RBFOX1: variants seen among roughly 807,000 people sequenced by gnomAD.
RBFOX1 encodes the protein RNA binding fox-1 homolog 1.
Under a neutral mutation model 57.7 loss-of-function variants are expected in RBFOX1, and 8 were observed. The observed-to-expected ratio is 0.14, with a 90% CI of 0.08 to 0.25. The LOEUF is 0.25. RBFOX1 is among the 10% of genes least tolerant of loss of function. The probability of loss-of-function intolerance (pLI) is 1.00; values close to 1 mark genes in which losing one functional copy is unlikely to be tolerated. For missense variants in RBFOX1, 611 were observed against 548.5 expected (o/e 1.11, Z -1.14); for synonymous variants, 326 against 222.4 (o/e 1.47, Z -4.15).
intron 3 of RBFOX1, among the ~76,000 whole-genome samples, chr16:5,657,662 CTTTCTTTCTT>C (rs750405277): frequency 1.6e-5 from 2 of 126,224 alleles, no homozygotes; most frequent in Non-Finnish European, 3.2e-5. Context: ...CTTTTCTTTT[CTTTCTTTCTT>C]TTCTTTTCTT....
At chr16:6,678,783 A>T (rs2058166758) in intron 3 of RBFOX1, among the ~76,000 whole-genome samples, 1 of 152,088 alleles carries the variant, frequency 6.6e-6, no homozygotes, top group South Asian at 2.1e-4. Context: ...TTTGAAAGTT[A>T]ATCACTTGCC....
At chr16:5,387,171 T>G (rs1465136991) in intron 1 of RBFOX1, among the ~76,000 whole-genome samples, 1 of 152,208 alleles carries the variant, frequency 6.6e-6, no homozygotes, top group Non-Finnish European at 1.5e-5. Flanking sequence ...AGGTTTCTGT[T>G]TGTATCATCT....
intron 15 of RBFOX1, chr16:7,709,990 G>C (rs1256208390): frequency 9.9e-7 from 1 of 1,007,844 alleles, no homozygotes; most frequent in African/African-American, 1.7e-5. Context: ...TTTAGAAAAA[G>C]GAAATCGTTA....
intron 4 of RBFOX1, among the ~76,000 whole-genome samples, chr16:7,400,339 C>T (rs191829820): frequency 6.6e-6 from 1 of 152,302 alleles, no homozygotes; most frequent in East Asian, 1.9e-4. Flanking sequence ...CCCCTCTCTC[C>T]TCCCACTGAA....
At chr16:7,033,462 G>C (rs558779202) in intron 3 of RBFOX1, among the ~76,000 whole-genome samples, 152 of 152,348 alleles carry the variant, frequency 1.0e-3, no homozygotes, top group African/African-American at 3.5e-3. Context: ...GGAGGTTGCA[G>C]TGAGCCAAGA....
intron 2 of RBFOX1, among the ~76,000 whole-genome samples, chr16:6,640,239 C>T (rs1382891212): frequency 6.6e-6 from 1 of 152,116 alleles, no homozygotes; most frequent in Non-Finnish European, 1.5e-5. Context: ...TTCAGATACG[C>T]CTTTTGCCAC....
intron 2 of RBFOX1, among the ~76,000 whole-genome samples, chr16:6,635,199 G>A (rs1423681471): frequency 6.7e-6 from 1 of 148,550 alleles, no homozygotes; most frequent in Non-Finnish European, 1.5e-5. Flanking sequence ...TACATAATAT[G>A]TACATATTTT....
intron 3 of RBFOX1, among the ~76,000 whole-genome samples, chr16:6,899,677 G>A (rs1016024209): frequency 6.6e-6 from 1 of 152,164 alleles, no homozygotes; most frequent in Non-Finnish European, 1.5e-5. Context: ...AGTGTCAATT[G>A]GAATTATCTC....
intron 2 of RBFOX1, among the ~76,000 whole-genome samples, chr16:6,561,172 A>C (rs530850281): frequency 6.6e-6 from 1 of 152,268 alleles, no homozygotes; most frequent in East Asian, 1.9e-4. Flanking sequence ...CCCTCCTTAA[A>C]ATGAATATGC....
intron 1 of RBFOX1, among the ~76,000 whole-genome samples, chr16:5,430,053 C>A (rs1403715733): frequency 6.6e-6 from 1 of 152,204 alleles, no homozygotes; most frequent in Non-Finnish European, 1.5e-5. Flanking sequence ...AGGCTTCAAG[C>A]ATACATTCAC....
At chr16:6,184,912 G>T (rs929019391) in intron 1 of RBFOX1, among the ~76,000 whole-genome samples, 1 of 152,152 alleles carries the variant, frequency 6.6e-6, no homozygotes, top group Non-Finnish European at 1.5e-5. Context: ...TGAAGTGCTA[G>T]TTCCAAGATG....
chr16:5,783,423 G>C (rs1333913907), intron 3 of RBFOX1, among the ~76,000 whole-genome samples: 1 of 152,052 alleles, frequency 6.6e-6, no homozygotes, highest in Non-Finnish European at 1.5e-5. Context: ...GTTATATGGT[G>C]TATATAGAGA....
intron 3 of RBFOX1, among the ~76,000 whole-genome samples, chr16:5,690,395 G>A (rs10459838): frequency 0.23 from 34,708 of 151,934 alleles, 5,440 homozygotes; most frequent in East Asian, 0.81. Flanking sequence ...CCCATATCTT[G>A]GGGCTCAGTG....
At chr16:7,449,870 G>T (rs1208228137) in intron 4 of RBFOX1, among the ~76,000 whole-genome samples, 1 of 152,090 alleles carries the variant, frequency 6.6e-6, no homozygotes, top group Non-Finnish European at 1.5e-5. Context: ...AGTCTCAAAT[G>T]CGAGGGGCTT....
intron 4 of RBFOX1, among the ~76,000 whole-genome samples, chr16:5,972,020 C>T (rs150508880): frequency 6.6e-6 from 1 of 152,212 alleles, no homozygotes; most frequent in Non-Finnish European, 1.5e-5. Flanking sequence ...TTCTTCCTGC[C>T]TTCGGACTCA....
intron 3 of RBFOX1, among the ~76,000 whole-genome samples, chr16:7,045,178 GA>G (rs2047483371): frequency 6.6e-6 from 1 of 152,174 alleles, no homozygotes; most frequent in South Asian, 2.1e-4. Context: ...ATTGGCCAGG[GA>G]CTCCCACTTC....
At chr16:7,544,287 A>G (rs762625636) in intron 5 of RBFOX1, among the ~76,000 whole-genome samples, 1 of 152,210 alleles carries the variant, frequency 6.6e-6, no homozygotes, top group African/African-American at 2.4e-5. Context: ...TGTGTGTCTG[A>G]TTACTTACTG....
At chr16:5,478,435 T>C (rs1421809048) in intron 2 of RBFOX1, among the ~76,000 whole-genome samples, 1 of 152,178 alleles carries the variant, frequency 6.6e-6, no homozygotes, top group Non-Finnish European at 1.5e-5. Context: ...ATTGATTACC[T>C]GGGACATCTA....
chr16:7,434,962 A>T (rs966611024), intron 4 of RBFOX1, among the ~76,000 whole-genome samples: 1 of 152,038 alleles, frequency 6.6e-6, no homozygotes, highest in Admixed American at 6.5e-5. Context: ...CCGGTCTTGA[A>T]CTGTTGACCT....
Sources: allele counts gnomAD v4.1 joint callset (sites outside exome capture counted in the v4.1 genomes callset), GRCh38; gene constraint gnomAD v4.1.1; transcripts MANE v1.5; gene names NCBI Gene and HGNC (gene_info 2026-07-23, HGNC 2026-07-21).